Variants in HSD17B12 observed in about 807,000 individuals in gnomAD.
HSD17B12 encodes very-long-chain 3-oxoacyl-CoA reductase.
HSD17B12 carries 32 observed loss-of-function variants against 39.3 expected under a neutral mutation model. That is an observed-to-expected ratio of 0.81 (90% CI 0.61 to 1.09). The LOEUF (loss-of-function observed/expected upper bound fraction) is 1.09, where lower values mean the gene tolerates loss of function less well. Among genes scored for constraint, HSD17B12 ranks in the 50% least tolerant of loss-of-function variants. The pLI, the probability that HSD17B12 is intolerant of heterozygous loss-of-function variation, is 0.00. For synonymous variants in HSD17B12, 150 were observed against 146.7 expected (o/e 1.02, Z -0.16); for missense variants, 342 against 382.9 (o/e 0.89, Z 0.89).
intron 3 of HSD17B12, among the ~76,000 whole-genome samples, chr11:43,757,611 GC>G (rs1162979545): frequency 6.2e-5 from 7 of 113,514 alleles, no homozygotes. Flanking sequence ...CCGCAGTCCG[GC>G]CTGGGCGACA....
chr11:43,741,152 C>G (rs1309504020), intron 1 of HSD17B12, among the ~76,000 whole-genome samples: 4 of 152,060 alleles, frequency 2.6e-5, no homozygotes, highest in Non-Finnish European at 5.9e-5. Context: ...AAAGATCAAC[C>G]AAGAGATTAT....
intron 3 of HSD17B12, among the ~76,000 whole-genome samples, chr11:43,784,467 G>A (rs577432730): frequency 6.6e-6 from 1 of 151,358 alleles, no homozygotes; most frequent in Non-Finnish European, 1.5e-5. Context: ...GGGGGTGGGG[G>A]GCAGCAGGAG....
At chr11:43,714,150 G>C (rs1950097911) in intron 1 of HSD17B12, among the ~76,000 whole-genome samples, 1 of 152,268 alleles carries the variant, frequency 6.6e-6, no homozygotes, top group African/African-American at 2.4e-5. Context: ...TGTCAATTTT[G>C]GCTTTTGTTG....
chr11:43,677,542 C>T (rs1393028252), upstream of HSD17B12, among the ~76,000 whole-genome samples: 3 of 152,168 alleles, frequency 2.0e-5, no homozygotes, highest in Admixed American at 1.3e-4. Flanking sequence ...GCTGCACCCA[C>T]TAACTCGTCA....
chr11:43,557,333 T>C, the HSD17B12 span, among the ~76,000 whole-genome samples: 1 of 152,194 alleles, frequency 6.6e-6, no homozygotes, highest in Non-Finnish European at 1.5e-5. Flanking sequence ...ACTGAGTGTC[T>C]TAATTCTTGT....
At chr11:43,658,909 C>T in the HSD17B12 span, among the ~76,000 whole-genome samples, 4 of 152,220 alleles carry the variant, frequency 2.6e-5, no homozygotes, top group Non-Finnish European at 4.4e-5. Flanking sequence ...AACCACTACT[C>T]TCTTCAAAGC....
chr11:43,633,177 AGT>A, the HSD17B12 span, among the ~76,000 whole-genome samples: 6 of 152,194 alleles, frequency 3.9e-5, no homozygotes, highest in Admixed American at 3.9e-4. Flanking sequence ...GTTTCGGTTC[AGT>A]GAAAAAATGT....
chr11:43,728,272 G>T (rs2134881223), intron 1 of HSD17B12, among the ~76,000 whole-genome samples: 1 of 152,086 alleles, frequency 6.6e-6, no homozygotes, highest in South Asian at 2.1e-4. Flanking sequence ...CACCATGTTG[G>T]CCGGGCTGGT....
chr11:43,562,601 A>G, the HSD17B12 span, among the ~76,000 whole-genome samples: 1 of 152,260 alleles, frequency 6.6e-6, no homozygotes, highest in Non-Finnish European at 1.5e-5. Context: ...AAGCATCAGA[A>G]AAATGACTTG....
At chr11:43,823,735 T>A (rs1590329676) in intron 6 of HSD17B12, among the ~76,000 whole-genome samples, 2 of 152,114 alleles carry the variant, frequency 1.3e-5, no homozygotes, top group East Asian at 3.9e-4. Context: ...TAAGAAATAA[T>A]AATAAATGAA....
At chr11:43,583,776 C>G in the HSD17B12 span, among the ~76,000 whole-genome samples, 23 of 152,182 alleles carry the variant, frequency 1.5e-4, no homozygotes, top group East Asian at 4.1e-3. Context: ...ATGGAAACTT[C>G]CAGGCACTTG....
chr11:43,679,014 A>T (rs140889990), upstream of HSD17B12, among the ~76,000 whole-genome samples: 3,823 of 152,226 alleles, frequency 0.025, 156 homozygotes, highest in African/African-American at 0.087. Flanking sequence ...GAATCTATAC[A>T]TTACCTTGGG....
chr11:43,616,472 T>C, the HSD17B12 span, among the ~76,000 whole-genome samples: 5 of 149,636 alleles, frequency 3.3e-5, no homozygotes, highest in African/African-American at 1.2e-4. Context: ...ATTTAAAACT[T>C]AAAACAAATT....
the HSD17B12 span, among the ~76,000 whole-genome samples, chr11:43,643,292 C>T: frequency 6.6e-6 from 1 of 152,006 alleles, no homozygotes; most frequent in Non-Finnish European, 1.5e-5. Context: ...GTTCTTTAAA[C>T]GTGATTGTTA....
chr11:43,581,771 A>G, the HSD17B12 span, among the ~76,000 whole-genome samples: 1 of 152,218 alleles, frequency 6.6e-6, no homozygotes, highest in South Asian at 2.1e-4. This position sits in a 1 kb window ranked among gnomAD's most constrained non-coding sequence, Gnocchi z 4.9. Flanking sequence ...AAAAGTTTAC[A>G]GAAGTTGTGT....
chr11:43,619,855 T>A, the HSD17B12 span, among the ~76,000 whole-genome samples: 14 of 152,328 alleles, frequency 9.2e-5, no homozygotes, highest in Non-Finnish European at 2.1e-4. Context: ...GAAGCTCATC[T>A]TTGTAGAATA....
At chr11:43,683,263 G>A (rs963475028) in intron 1 of HSD17B12, among the ~76,000 whole-genome samples, 5 of 152,054 alleles carry the variant, frequency 3.3e-5, no homozygotes, top group African/African-American at 1.2e-4. Flanking sequence ...AAGGATAATT[G>A]ATAAATTAAG....
At chr11:43,714,195 G>A (rs906585056) in intron 1 of HSD17B12, among the ~76,000 whole-genome samples, 20 of 152,172 alleles carry the variant, frequency 1.3e-4, no homozygotes, top group Non-Finnish European at 2.9e-4. Flanking sequence ...TGAAGTCCTT[G>A]CCCATGCCTA....
At chr11:43,799,384 C>T (rs533737911) in intron 4 of HSD17B12, among the ~76,000 whole-genome samples, 11 of 151,574 alleles carry the variant, frequency 7.3e-5, no homozygotes, top group African/African-American at 2.7e-4. Flanking sequence ...ATTTTTTTTT[C>T]TAAGTCTTAT....
Sources: allele counts gnomAD v4.1 joint callset (sites outside exome capture counted in the v4.1 genomes callset), GRCh38; gene constraint gnomAD v4.1.1; non-coding constraint Gnocchi (gnomAD v3.1); transcripts MANE v1.5; gene names NCBI Gene and HGNC (gene_info 2026-07-23, HGNC 2026-07-21).